MSRB3: variants seen among roughly 807,000 people sequenced by gnomAD.
MSRB3 encodes methionine sulfoxide reductase B3.
A neutral mutation model predicts 21.0 loss-of-function variants in MSRB3; 13 were observed. That is an observed-to-expected ratio of 0.62 (90% confidence interval 0.40 to 0.98). The LOEUF (loss-of-function observed/expected upper bound fraction) is 0.98. MSRB3 is among the 50% of genes least tolerant of loss of function. The probability of loss-of-function intolerance (pLI) is 0.00; values close to 1 mark genes in which losing one functional copy is unlikely to be tolerated. For synonymous variants in MSRB3, 87 were observed against 88.6 expected (o/e 0.98, Z 0.10); for missense variants, 199 against 230.3 (o/e 0.86, Z 0.88).
intron 4 of MSRB3, among the ~76,000 whole-genome samples, chr12:65,350,285 C>A (rs558322825): frequency 1.3e-5 from 2 of 151,546 alleles, no homozygotes; most frequent in African/African-American, 4.9e-5. Context: ...GTTTTGGTAC[C>A]AGTACCATGC....
chr12:65,427,199 C>A (rs1313807169), intron 5 of MSRB3, among the ~76,000 whole-genome samples: 2 of 152,032 alleles, frequency 1.3e-5, no homozygotes, highest in Admixed American at 6.5e-5. Context: ...GTGGAAAGTC[C>A]TTCTTTTATT....
At chr12:65,342,033 T>C (rs1187442997) in intron 4 of MSRB3, among the ~76,000 whole-genome samples, 1 of 151,922 alleles carries the variant, frequency 6.6e-6, no homozygotes, top group Non-Finnish European at 1.5e-5. Context: ...TCAACACTAC[T>C]ACAATACAAG....
intron 5 of MSRB3, among the ~76,000 whole-genome samples, chr12:65,430,597 G>A (rs1219163662): frequency 6.6e-6 from 1 of 152,070 alleles, no homozygotes; most frequent in East Asian, 1.9e-4. Context: ...TCATCTGAAA[G>A]TCAAGAAAAT....
chr12:65,349,396 A>G (rs1202115480), intron 4 of MSRB3, among the ~76,000 whole-genome samples: 1 of 151,770 alleles, frequency 6.6e-6, no homozygotes, highest in Non-Finnish European at 1.5e-5. Flanking sequence ...TATAGCAGCA[A>G]GATTTATAGT....
chr12:65,282,200 C>T (rs1484325455), intron 1 of MSRB3: 1 of 152,042 alleles, frequency 6.6e-6, no homozygotes, highest in East Asian at 1.9e-4. Flanking sequence ...ACCTGTAATC[C>T]CAACTACTCA....
intron 1 of MSRB3, among the ~76,000 whole-genome samples, chr12:65,293,784 T>A (rs113139152): frequency 8.9e-4 from 136 of 152,320 alleles, no homozygotes; most frequent in African/African-American, 3.0e-3. Flanking sequence ...TCTCCCCAGC[T>A]TCTGTTTGTT....
intron 4 of MSRB3, among the ~76,000 whole-genome samples, chr12:65,355,055 A>T (rs1235955798): frequency 2.0e-5 from 3 of 151,830 alleles, no homozygotes; most frequent in Non-Finnish European, 4.4e-5. Context: ...GATGCATATA[A>T]GGTGCTAGAA....
intron 4 of MSRB3, among the ~76,000 whole-genome samples, chr12:65,348,282 G>A (rs1876670641): frequency 6.6e-6 from 1 of 151,888 alleles, no homozygotes. Flanking sequence ...TGGTCTATTT[G>A]GAGATTCAAC....
chr12:65,321,763 G>T (rs1250668881), intron 2 of MSRB3, among the ~76,000 whole-genome samples: 1 of 152,074 alleles, frequency 6.6e-6, no homozygotes, highest in Non-Finnish European at 1.5e-5. Context: ...ACTATACTAT[G>T]CCTGAAGTAA....
chr12:65,279,678 G>A (rs1015791763), intron 1 of MSRB3, among the ~76,000 whole-genome samples: 1 of 152,186 alleles, frequency 6.6e-6, no homozygotes, highest in African/African-American at 2.4e-5. Context: ...TTATGAAGTC[G>A]TTACAGTAAG....
chr12:65,321,120 T>C (rs1416288437), intron 2 of MSRB3, among the ~76,000 whole-genome samples: 1 of 152,168 alleles, frequency 6.6e-6, no homozygotes, highest in Non-Finnish European at 1.5e-5. Context: ...CCTTTTTCCT[T>C]CCTGAATACT....
intron 5 of MSRB3, among the ~76,000 whole-genome samples, chr12:65,402,022 TTCTC>T (rs1431545557): frequency 9.2e-5 from 14 of 152,166 alleles, no homozygotes; most frequent in Non-Finnish European, 2.9e-5. Context: ...AACCTGACCT[TTCTC>T]TCTGGCTGCC....
chr12:65,279,202 C>T, intron 1 of MSRB3: 1 of 554,006 alleles, frequency 1.8e-6, no homozygotes, highest in South Asian at 3.7e-5. Context: ...AGAGAGGGAT[C>T]TGGCGGGGCA....
chr12:65,417,923 T>C (rs1447450042), intron 5 of MSRB3, among the ~76,000 whole-genome samples: 1 of 152,230 alleles, frequency 6.6e-6, no homozygotes, highest in African/African-American at 2.4e-5. Context: ...TTAGTTATTG[T>C]GAATAATGCT....
intron 1 of MSRB3, among the ~76,000 whole-genome samples, chr12:65,296,240 G>T (rs1196937660): frequency 6.6e-6 from 1 of 152,054 alleles, no homozygotes; most frequent in Non-Finnish European, 1.5e-5. Flanking sequence ...TGTCTGTTAG[G>T]CAATCACCTC....
chr12:65,291,436 G>A (rs1176542368), intron 1 of MSRB3, among the ~76,000 whole-genome samples: 2 of 150,540 alleles, frequency 1.3e-5, no homozygotes, highest in Non-Finnish European at 3.0e-5. Flanking sequence ...AAGCTCTTGG[G>A]TAATTTCCTA....
At position 65,406,856 on chromosome 12, in the gene MSRB3, A is replaced by G. The variant is rs1269791901; in HGVS notation, c.292+37830A>G. 4.6e-5 allele frequency among the ~76,000 whole-genome samples: 7 copies of G among 152,122 alleles called. No homozygotes were observed. In the East Asian group the frequency reaches 1.3e-3, roughly 29 times the overall value. On this transcript the variant is annotated intron_variant, in intron 5 of 6. Coordinates refer to ENST00000308259, the MANE Select transcript of MSRB3 (RefSeq NM_001031679.3). ...GAATTAGAGGGAACTAGCTAGGTCC[A>G]TTTTGCCTTTTTGTGTTACACTGTG... is the stretch of plus-strand genomic sequence containing the variant.
At chr12:65,360,971 ATTCTC>A (rs1332607134) in intron 4 of MSRB3, among the ~76,000 whole-genome samples, 1 of 151,978 alleles carries the variant, frequency 6.6e-6, no homozygotes, top group Non-Finnish European at 1.5e-5. Flanking sequence ...TTTTATTACT[ATTCTC>A]TTATTTTTTT....
chr12:65,348,572 G>A (rs907061280), intron 4 of MSRB3, among the ~76,000 whole-genome samples: 3 of 151,888 alleles, frequency 2.0e-5, no homozygotes, highest in Non-Finnish European at 2.9e-5. Context: ...AGGGTTTTTT[G>A]TGTCTCTATT....
Sources: gnomAD v4.1 joint callset for allele counts (sites outside exome capture counted in the v4.1 genomes callset) on GRCh38, gnomAD v4.1.1 for gene constraint, MANE v1.5 for transcripts, NCBI Gene and HGNC (gene_info 2026-07-23, HGNC 2026-07-21) for gene names.